The following ZNF81 variants were observed in gnomAD, a reference collection of about 807,000 sequenced individuals.
The protein encoded by ZNF81 is zinc finger protein 81 (HFZ20).
In ZNF81, 5 loss-of-function variants were observed where a neutral mutation model predicts 32.3. The observed-to-expected ratio is 0.15, with a 90% CI of 0.08 to 0.33. The LOEUF (loss-of-function observed/expected upper bound fraction) is 0.33, where lower values mean the gene tolerates loss of function less well. Among genes scored for constraint, ZNF81 ranks in the 10% least tolerant of loss-of-function variants. The pLI is 1.00. For missense variants in ZNF81, 379 were observed against 479.8 expected (o/e 0.79, Z 1.96); for synonymous variants, 163 against 166.8 (o/e 0.98, Z 0.17).
At chrX:47,862,279 G>A (rs782657144) in intron 2 of ZNF81, among the ~76,000 whole-genome samples, 23 of 110,720 alleles carry the variant, frequency 2.1e-4, no homozygotes, top group Non-Finnish European at 4.4e-4. Flanking sequence ...TGTAATCCCA[G>A]CACTTTGGGA....
At position 47,915,370 on chromosome X, in the gene ZNF81, G is replaced by A. The variant is rs782687692; in HGVS notation, c.724G>A (p.Gly242Arg). The A allele has an allele frequency of 5.8e-6, 7 of 1,209,872 alleles. No individual in the cohort carries two copies. Among genetic ancestry groups the A allele is most frequent in the South Asian group, 5.3e-5 (3 of 56,849 alleles). ...TAGTCACCACGAAAATACACATACAGGAGTGAAGTTCTGTGAACGTAATCA... is the reference window on the plus strand; with the variant it reads ...TAGTCACCACGAAAATACACATACAAGAGTGAAGTTCTGTGAACGTAATCA... ...SYSHHENTHT[G>R]VKFCERNQCG... Residue 242 changes from glycine (G) to arginine (R), a missense_variant, in exon 5 of 5, where the codon GGA becomes AGA. By Grantham distance (125) the Gly-to-Arg change is moderately radical. Transcript: ENST00000338637.
At chrX:47,875,087 G>T (rs1228714333) in intron 2 of ZNF81, among the ~76,000 whole-genome samples, 2 of 110,333 alleles carry the variant, frequency 1.8e-5, no homozygotes, top group African/African-American at 6.6e-5. Flanking sequence ...GAGGCCACGG[G>T]GGTGGGGGTG....
intron 2 of ZNF81, among the ~76,000 whole-genome samples, chrX:47,884,773 G>A (rs782507558): frequency 1.3e-4 from 15 of 111,593 alleles, no homozygotes; most frequent in South Asian, 7.4e-4. Context: ...CTAATGGTGT[G>A]AACCCAGTGA....
At chrX:47,850,787 A>T (rs1249885030) in intron 2 of ZNF81, among the ~76,000 whole-genome samples, 1 of 110,312 alleles carries the variant, frequency 9.1e-6, no homozygotes, top group Non-Finnish European at 1.9e-5. Flanking sequence ...GAAAAGAAAA[A>T]AAGTACCCTC....
chrX:47,902,740 G>C (rs1325263720), intron 4 of ZNF81, among the ~76,000 whole-genome samples: 2 of 111,980 alleles, frequency 1.8e-5, no homozygotes, highest in Non-Finnish European at 3.8e-5. Flanking sequence ...ATTGAGTGAA[G>C]TGATAGTGAA....
chrX:47,875,884 C>T (rs913674369), intron 2 of ZNF81, among the ~76,000 whole-genome samples: 2 of 112,525 alleles, frequency 1.8e-5, no homozygotes, highest in African/African-American at 6.4e-5. Context: ...CCATTACATA[C>T]GTGTTCTCAT....
rs2058783220 is a variant in ZNF81, at chrX:47,923,462, G to A, written c.*6830G>A. On this transcript the variant is annotated 3_prime_UTR_variant, in exon 5 of 5. Coordinates refer to ENST00000338637, the MANE Select transcript of ZNF81 (RefSeq NM_007137.5). ...TAAAAACATACCAGGTGAGCAAGGG[G>A]CTCATAGAGAACAGTGTTTCCAACA... 8.9e-6 allele frequency among the ~76,000 whole-genome samples: 1 copy of A among 112,053 alleles called. No homozygotes were observed.
At chrX:47,902,824 C>T (rs1053190381) in intron 4 of ZNF81, among the ~76,000 whole-genome samples, 4 of 111,360 alleles carry the variant, frequency 3.6e-5, no homozygotes, top group South Asian at 3.8e-4. Context: ...GAGGCCGAGG[C>T]GGGTGGATCA....
chrX:47,919,121 G>C lies in ZNF81; in HGVS notation c.*2489G>C, dbSNP rs1016766703. 2.8e-5 allele frequency: 9 copies of C among 322,646 alleles called. No homozygotes were observed. The highest frequency in any genetic ancestry group is 2.4e-4 in the African/African-American group (9 of 37,438). The allele number at this position is 322,646 out of a possible 1,213,427, so 26.6% of individuals were successfully genotyped here. A position where few individuals can be genotyped will look rare whatever the true frequency, so the allele number is the denominator to read the frequency against. ...CACAATTTTGGATGAGAAATTTGGA[G>C]GTCCTGGAATAGGGGTGAACACATT... On this transcript the variant is annotated 3_prime_UTR_variant, in exon 5 of 5. Transcript: ENST00000338637.
chrX:47,869,313 C>T (rs963481827), intron 2 of ZNF81, among the ~76,000 whole-genome samples: 4 of 111,731 alleles, frequency 3.6e-5, no homozygotes, highest in African/African-American at 6.5e-5. Context: ...CTTAAAAGTC[C>T]AGATCATGTG....
rs1044606542 is a variant in ZNF81, at chrX:47,916,927, A to T, written c.*295A>T. 2.5e-5 allele frequency: 7 copies of T among 279,187 alleles called. No individual in the cohort carries two copies. Among genetic ancestry groups the T allele is most frequent in the Non-Finnish European group, 4.4e-5 (7 of 159,690 alleles). 23.0% of individuals were successfully genotyped at this position (279,187 alleles called of 1,213,427 possible). Reference sequence around the variant, plus strand: ...CTTCCTATAGAAAGTATTATAAGTTAAATTGTTACCAAATTCTTTATAGGA... The same window carrying T: ...CTTCCTATAGAAAGTATTATAAGTTTAATTGTTACCAAATTCTTTATAGGA... On this transcript the variant is annotated 3_prime_UTR_variant, in exon 5 of 5. Coordinates refer to ENST00000338637, the MANE Select transcript of ZNF81 (RefSeq NM_007137.5).
At position 47,875,905 on chromosome X, in the gene ZNF81, A is replaced by G. The variant is rs782014182; in HGVS notation, c.55-12094A>G. Reference sequence around the variant, plus strand: ...CATACGTGTTCTCATGATAAATGATAACTCATCCTCATGTGAGATGACTTG... The same window carrying G: ...CATACGTGTTCTCATGATAAATGATGACTCATCCTCATGTGAGATGACTTG... On this transcript the variant is annotated intron_variant, in intron 2 of 4. Coordinates refer to ENST00000338637, the MANE Select transcript of ZNF81 (RefSeq NM_007137.5). Among the ~76,000 whole-genome samples the G allele has an allele frequency of 2.7e-5, 3 of 112,557 alleles. No individual in the cohort carries two copies. The South Asian group carries it at 1.1e-3, about 41-fold the overall frequency.
chrX:47,869,611 T>G (rs370336891), intron 2 of ZNF81, among the ~76,000 whole-genome samples: 66 of 112,369 alleles, frequency 5.9e-4, no homozygotes, highest in African/African-American at 1.9e-3. Flanking sequence ...AACTTAAGTT[T>G]CAAGTCTTTT....
chrX:47,910,178 C>T (rs1556889736), intron 4 of ZNF81, among the ~76,000 whole-genome samples: 2 of 111,432 alleles, frequency 1.8e-5, no homozygotes, highest in African/African-American at 6.5e-5. Flanking sequence ...CCTGAGGAAT[C>T]GCCACACTGA....
intron 3 of ZNF81, among the ~76,000 whole-genome samples, chrX:47,893,938 C>T (rs953110319): frequency 3.6e-5 from 4 of 111,871 alleles, no homozygotes; most frequent in Non-Finnish European, 5.6e-5. Context: ...ACTTCAGATT[C>T]TGAGTGAGAA....
In ZNF81 at chrX:47,924,280, A is replaced by C. The variant is rs907759288; in HGVS notation, c.*7648A>C. ...AATTTGGTAGATGCTGCTCTTCTAAAATTGAGTGATGTTATTAAGAAGTCT... is the reference window on the plus strand; with the variant it reads ...AATTTGGTAGATGCTGCTCTTCTAACATTGAGTGATGTTATTAAGAAGTCT... On this transcript the variant is annotated 3_prime_UTR_variant, in exon 5 of 5. Coordinates refer to ENST00000338637, the MANE Select transcript of ZNF81 (RefSeq NM_007137.5). Among the ~76,000 whole-genome samples the C allele has an allele frequency of 4.5e-5, 5 of 111,974 alleles. No homozygotes were observed. The East Asian group carries it at 1.4e-3, about 31-fold the overall frequency.
chrX:47,840,223 A>G (rs1268149034), intron 1 of ZNF81, among the ~76,000 whole-genome samples: 1 of 107,889 alleles, frequency 9.3e-6, no homozygotes, highest in Non-Finnish European at 1.9e-5. Flanking sequence ...AGTCCCCAGG[A>G]ATCTCCAGAT....
intron 2 of ZNF81, among the ~76,000 whole-genome samples, chrX:47,853,402 G>A (rs1486369667): frequency 9.0e-6 from 1 of 111,371 alleles, no homozygotes; most frequent in Non-Finnish European, 1.9e-5. Context: ...GGATGGTCTC[G>A]ATCTCTTAAC....
intron 2 of ZNF81, among the ~76,000 whole-genome samples, chrX:47,877,604 G>A (rs2058604920): frequency 9.0e-6 from 1 of 111,725 alleles, no homozygotes; most frequent in African/African-American, 3.3e-5. Context: ...CGACTTTGGG[G>A]ATGCCTCAGT....
Sources: allele counts gnomAD v4.1 joint callset (sites outside exome capture counted in the v4.1 genomes callset), GRCh38; gene constraint gnomAD v4.1.1; transcripts MANE v1.5; gene names NCBI Gene and HGNC (gene_info 2026-07-23, HGNC 2026-07-21).